The following AGBL1 variants were observed in gnomAD, a reference collection of about 807,000 sequenced individuals.
The protein encoded by AGBL1 is cytosolic carboxypeptidase 4.
A neutral mutation model predicts 118.9 loss-of-function variants in AGBL1; 130 were observed. The observed-to-expected ratio is 1.09, with a 90% confidence interval of 0.95 to 1.26. AGBL1 has a LOEUF of 1.26. Ranked by LOEUF, AGBL1 falls within the 50% of genes most tolerant of loss-of-function variation. The pLI, the probability that AGBL1 is intolerant of heterozygous loss-of-function variation, is 0.00. For synonymous variants in AGBL1, 555 were observed against 478.9 expected, an observed-to-expected ratio of 1.16 and a Z score of -2.08; for missense variants, 1,584 against 1,298.1, an observed-to-expected ratio of 1.22 and a Z score of -3.38.
intron 21 of AGBL1, among the ~76,000 whole-genome samples, chr15:86,577,394 T>A (rs2084107166): frequency 6.6e-6 from 1 of 152,158 alleles, no homozygotes; most frequent in South Asian, 2.1e-4. Flanking sequence ...TTGGGTGCTG[T>A]TAAAGACATT....
intron 16 of AGBL1, among the ~76,000 whole-genome samples, chr15:86,286,478 C>G (rs1461195390): frequency 1.3e-5 from 2 of 151,988 alleles, no homozygotes; most frequent in Non-Finnish European, 2.9e-5. Context: ...TGTTCCCGCT[C>G]CTCCAGGCCC....
chr15:86,577,543 T>A (rs2084109125), intron 21 of AGBL1, among the ~76,000 whole-genome samples: 1 of 152,180 alleles, frequency 6.6e-6, no homozygotes, highest in African/African-American at 2.4e-5. Flanking sequence ...AACCAAATGT[T>A]AATCCCCAAG....
chr15:86,831,705 G>A (rs2079106548), intron 22 of AGBL1, among the ~76,000 whole-genome samples: 1 of 152,194 alleles, frequency 6.6e-6, no homozygotes, highest in Admixed American at 6.5e-5. Context: ...GGCATTGAGT[G>A]ACTGCAGATT....
At chr15:86,749,391 C>G (rs994814644) in intron 22 of AGBL1, among the ~76,000 whole-genome samples, 3 of 152,082 alleles carry the variant, frequency 2.0e-5, no homozygotes, top group African/African-American at 4.8e-5. Context: ...AGTTGCTTAT[C>G]AGCTTAAGGA....
At chr15:86,675,429 C>T (rs760608356) in intron 22 of AGBL1, among the ~76,000 whole-genome samples, 1 of 152,086 alleles carries the variant, frequency 6.6e-6, no homozygotes, top group Non-Finnish European at 1.5e-5. Flanking sequence ...TTTGGAAGGC[C>T]GTGGTTTTTC....
At chr15:86,108,835 T>C (rs188531863) in intron 1 of AGBL1, among the ~76,000 whole-genome samples, 1 of 152,292 alleles carries the variant, frequency 6.6e-6, no homozygotes, top group East Asian at 1.9e-4. Context: ...CATGCACCTG[T>C]AGTCCCAGCT....
intron 22 of AGBL1, among the ~76,000 whole-genome samples, chr15:86,804,502 TAAC>T (rs1326426860): frequency 2.0e-5 from 3 of 151,938 alleles, no homozygotes; most frequent in Non-Finnish European, 4.4e-5. Flanking sequence ...TCAAAAATAA[TAAC>T]AACAACAAAT....
At chr15:86,900,533 C>G (rs2080196628) in intron 22 of AGBL1, among the ~76,000 whole-genome samples, 1 of 151,966 alleles carries the variant, frequency 6.6e-6, no homozygotes, top group Admixed American at 6.6e-5. Context: ...TTTTCATAGT[C>G]TATAGATTGA....
At chr15:86,857,133 C>G (rs986510583) in intron 22 of AGBL1, among the ~76,000 whole-genome samples, 3 of 152,160 alleles carry the variant, frequency 2.0e-5, no homozygotes, top group Non-Finnish European at 4.4e-5. Context: ...AATCCTTCTC[C>G]GGTTTATCCA....
chr15:86,631,117 C>T (rs1427445271), intron 21 of AGBL1: 1 of 152,990 alleles, frequency 6.5e-6, no homozygotes, highest in East Asian at 1.9e-4. Context: ...TGTCTTCCGT[C>T]CGGCTCTCTT....
intron 5 of AGBL1, among the ~76,000 whole-genome samples, chr15:86,172,462 A>C (rs189207836): frequency 3.9e-5 from 6 of 152,278 alleles, no homozygotes; most frequent in Admixed American, 3.3e-4. Context: ...TATTCCTTCT[A>C]TCTAACTGTG....
In AGBL1 at chr15:86,219,106, T is replaced by C. The variant is rs78824797; in HGVS notation, c.489-5808T>C. On this transcript the variant is annotated intron_variant, in intron 5 of 22. Coordinates refer to ENST00000614907, the MANE Select transcript of AGBL1 (RefSeq NM_001386094.1). Reference sequence around the variant, plus strand: ...ACTTCCAAGAGATAGTTTGGTCCTATGTTTCCTCCATGTACCCAGGGATAG... The same window carrying C: ...ACTTCCAAGAGATAGTTTGGTCCTACGTTTCCTCCATGTACCCAGGGATAG... 4.1e-3 allele frequency among the ~76,000 whole-genome samples: 625 copies of C among 152,344 alleles called. 7 individuals are homozygous for C. The highest frequency in any genetic ancestry group is 0.014 in the African/African-American group (590 of 41,586).
chr15:86,836,027 T>C (rs2141426057), intron 22 of AGBL1, among the ~76,000 whole-genome samples: 1 of 152,324 alleles, frequency 6.6e-6, no homozygotes, highest in Admixed American at 6.5e-5. Flanking sequence ...AGCTTATCCC[T>C]TGACTAAACT....
chr15:86,743,077 C>G (rs1336454552), intron 22 of AGBL1, among the ~76,000 whole-genome samples: 1 of 152,062 alleles, frequency 6.6e-6, no homozygotes, highest in Non-Finnish European at 1.5e-5. Context: ...TTTGAAGACT[C>G]CCAAGGAGCG....
At chr15:86,665,664 T>A (rs566142318) in intron 21 of AGBL1, among the ~76,000 whole-genome samples, 3 of 152,124 alleles carry the variant, frequency 2.0e-5, no homozygotes, top group African/African-American at 7.2e-5. Flanking sequence ...AAAATATACA[T>A]TGAAAAACCT....
At chr15:86,297,114 A>T (rs1455434829) in intron 17 of AGBL1, 1 of 152,194 alleles carries the variant, frequency 6.6e-6, no homozygotes, top group East Asian at 1.9e-4. Flanking sequence ...AATATCTCTT[A>T]GTACACCCTT....
At chr15:87,018,741 C>T (rs897300782) in intron 24 of AGBL1, among the ~76,000 whole-genome samples, 1 of 152,124 alleles carries the variant, frequency 6.6e-6, no homozygotes, top group Non-Finnish European at 1.5e-5. Flanking sequence ...TAGCTAGCCT[C>T]ATGATGACAG....
At chr15:86,665,124 C>G (rs961903188) in intron 21 of AGBL1, among the ~76,000 whole-genome samples, 5 of 152,094 alleles carry the variant, frequency 3.3e-5, no homozygotes, top group Non-Finnish European at 7.4e-5. Flanking sequence ...ATGATTATAT[C>G]CCTATGACGT....
chr15:87,021,681 C>G (rs1005953039), intron 24 of AGBL1, among the ~76,000 whole-genome samples: 1 of 152,068 alleles, frequency 6.6e-6, no homozygotes, highest in South Asian at 2.1e-4. Flanking sequence ...AAAACGTGAG[C>G]AAAGCACATG....
Sources: allele counts gnomAD v4.1 joint callset (sites outside exome capture counted in the v4.1 genomes callset), GRCh38; gene constraint gnomAD v4.1.1; transcripts MANE v1.5; gene names NCBI Gene and HGNC (gene_info 2026-07-23, HGNC 2026-07-21).